SMU1: variants seen among roughly 807,000 people sequenced by gnomAD.
The protein encoded by SMU1 is WD40 repeat-containing protein SMU1.
A neutral mutation model predicts 62.0 loss-of-function variants in SMU1; 2 were observed. That is an observed-to-expected ratio of 0.03 (90% CI 0.01 to 0.10). The LOEUF is 0.10. Ranked by LOEUF, SMU1 falls within the 10% of genes least tolerant of loss-of-function variation. SMU1 has a pLI of 1.00. For missense variants in SMU1, 227 were observed against 622.1 expected (o/e 0.36, Z 6.76); for synonymous variants, 188 against 212.4 (o/e 0.89, Z 1.00).
chr9:33,060,710 T>A, intron 5 of SMU1, 126 bp from the exon 6 acceptor site: 1 of 1,168,674 alleles, frequency 8.6e-7, no homozygotes, highest in Non-Finnish European at 1.2e-6. Flanking sequence ...TATAGAGTAT[T>A]GGAGGGGTAT....
chr9:33,074,962 G>T (rs1839529337), intron 1 of SMU1, among the ~76,000 whole-genome samples: 1 of 152,052 alleles, frequency 6.6e-6, no homozygotes, highest in Non-Finnish European at 1.5e-5. Context: ...TTGTAGAGAC[G>T]TGGTTTTGCC....
At position 33,076,646 on chromosome 9, in the gene SMU1, C is replaced by G. The variant is rs759935844; in HGVS notation, c.-38G>C. 2 of 1,613,594 alleles carry G rather than the reference C, an allele frequency of 1.2e-6. No individual in the cohort carries two copies. The highest frequency in any genetic ancestry group is 1.7e-5 in the Admixed American group (1 of 60,024). On this transcript the variant is annotated 5_prime_UTR_variant, in exon 1 of 12. Transcript: ENST00000397149. ...CCGGGAGCAGGCCCCAGCTCTCCCT[C>G]AAGGCCAGTCGCGCAACACACCAAC...
intron 4 of SMU1, among the ~76,000 whole-genome samples, chr9:33,062,983 G>T (rs1839379703): frequency 6.6e-6 from 1 of 152,154 alleles, no homozygotes; most frequent in Admixed American, 6.5e-5. Flanking sequence ...ATGAACTTTG[G>T]AGACAGATGG....
At chr9:33,070,136 A>G (rs1318212730) in intron 3 of SMU1, among the ~76,000 whole-genome samples, 3 of 152,124 alleles carry the variant, frequency 2.0e-5, no homozygotes, top group Admixed American at 2.0e-4. Context: ...AACAACAACA[A>G]CAACAACAAA....
intron 9 of SMU1, among the ~76,000 whole-genome samples, chr9:33,054,797 C>A (rs1486983525): frequency 2.6e-5 from 4 of 152,170 alleles, no homozygotes. Flanking sequence ...ACTGTTATTG[C>A]CTGCCCTAAT....
intron 4 of SMU1, among the ~76,000 whole-genome samples, chr9:33,062,530 TC>T (rs543846944): frequency 4.8e-4 from 72 of 151,348 alleles, no homozygotes; most frequent in South Asian, 2.5e-3. Flanking sequence ...CTTCCAATCT[TC>T]CCCCCCCACA....
Position 33,061,373 on chromosome 9 carries a change from T to C in SMU1, c.630+676A>G, listed in dbSNP as rs142594587. 4.9e-3 allele frequency among the ~76,000 whole-genome samples: 740 copies of C among 152,268 alleles called. 8 individuals carry two copies. Among genetic ancestry groups the C allele is most frequent in the African/African-American group, 0.017 (716 of 41,546 alleles). ...CTTAAAAATATCTTTATCTGCAAGT[T>C]AGAATATATAATCCAGAAAAGGCAA... On this transcript the variant is annotated intron_variant, in intron 5 of 11. Transcript: ENST00000397149.
chr9:33,056,401 ACAAT>A, intron 8 of SMU1, 162 bp from the exon 9 acceptor site: 1 of 344,862 alleles, frequency 2.9e-6, no homozygotes, highest in Non-Finnish European at 4.1e-6. Context: ...ACTATATCAA[ACAAT>A]CAAACAAAAG....
rs1032168802 is a variant in SMU1, at chr9:33,056,749, G to A, written c.995+88C>T. The A allele has an allele frequency of 3.7e-5, 52 of 1,397,932 alleles. No homozygotes were observed. The Middle Eastern group carries it at 1.3e-3, about 35-fold the overall frequency. 86.6% of individuals were successfully genotyped at this position (1,397,932 alleles called of 1,614,324 possible). A position where few individuals can be genotyped will look rare whatever the true frequency, so the allele number is the denominator to read the frequency against. On this transcript the variant is annotated intron_variant, in intron 8 of 11. Coordinates refer to ENST00000397149, the MANE Select transcript of SMU1 (RefSeq NM_018225.3). ...CACATCATCATGGTAAAAGCATCAT[G>A]GTAAAAGCGTAAGGAATCACTAGTA...
chr9:33,048,982 TAC>T (rs1839214831), intron 10 of SMU1, among the ~76,000 whole-genome samples: 1 of 152,218 alleles, frequency 6.6e-6, no homozygotes, highest in South Asian at 2.1e-4. Flanking sequence ...ATCAAAGAAC[TAC>T]ACAGAGATAT....
At chr9:33,056,431 G>C (rs891290854) in intron 8 of SMU1, among the ~76,000 whole-genome samples, 192 bp from the exon 9 acceptor site, 4 of 152,170 alleles carry the variant, frequency 2.6e-5, no homozygotes, top group African/African-American at 9.7e-5. Flanking sequence ...CAAAGAAAGA[G>C]GCTGGAAGAA....
At position 33,045,311 on chromosome 9, in the gene SMU1, C is replaced by G. The variant is rs1839172438; in HGVS notation, c.*1982G>C. The stretch of plus-strand genomic sequence containing the variant: ...CCACTGGGATGACTGTCTACATGCT[C>G]AGGAATCCTGAATTCATGACTATGT... On this transcript the variant is annotated 3_prime_UTR_variant, in exon 12 of 12. Coordinates refer to ENST00000397149, the MANE Select transcript of SMU1 (RefSeq NM_018225.3). 1 of 152,192 alleles carries G rather than the reference C, an allele frequency of 6.6e-6. No homozygotes were observed. Among genetic ancestry groups the G allele is most frequent in the African/African-American group, 2.4e-5 (1 of 41,432 alleles). 9.4% of individuals were successfully genotyped at this position (152,192 alleles called of 1,614,324 possible). A position where few individuals can be genotyped will look rare whatever the true frequency, so the allele number is the denominator to read the frequency against.
At chr9:33,072,853 C>A (rs1225384414) in intron 2 of SMU1, among the ~76,000 whole-genome samples, 2 of 150,964 alleles carry the variant, frequency 1.3e-5, no homozygotes, top group African/African-American at 4.9e-5. Flanking sequence ...AAAAAAAACC[C>A]GTAAACAAAA....
At position 33,066,804 on chromosome 9, in the gene SMU1, C is replaced by CAA. The variant is rs74178848; in HGVS notation, c.501+2018_501+2019dup. On this transcript the variant is annotated intron_variant, in intron 4 of 11. Coordinates refer to ENST00000397149, the MANE Select transcript of SMU1 (RefSeq NM_018225.3). ...CTGGCGACAGAGTGAGACTCTGTCT[C>CAA]AAAAAAAAAAAGAAAACTGAGGAAT... is the stretch of plus-strand genomic sequence containing the variant. Among the ~76,000 whole-genome samples the CAA allele has an allele frequency of 4.8e-4, 66 of 136,704 alleles. 1 individual carries two copies. Among genetic ancestry groups the CAA allele is most frequent in the African/African-American group, 1.3e-3 (48 of 37,250 alleles). 89.7% of individuals were successfully genotyped at this position (136,704 alleles called of 152,430 possible). A position where few individuals can be genotyped will look rare whatever the true frequency, so the allele number is the denominator to read the frequency against.
At chr9:33,067,268 T>C (rs1048350730) in intron 4 of SMU1, among the ~76,000 whole-genome samples, 2 of 145,400 alleles carry the variant, frequency 1.4e-5, no homozygotes, top group African/African-American at 2.6e-5. Flanking sequence ...CAAATCATTT[T>C]TCGCTGAAGA....
At chr9:33,075,324 C>G (rs185112092) in intron 1 of SMU1, among the ~76,000 whole-genome samples, 1 of 151,902 alleles carries the variant, frequency 6.6e-6, no homozygotes, top group African/African-American at 2.4e-5. Flanking sequence ...TTGCAGTGAG[C>G]GGAGATCGCG....
In SMU1 at chr9:33,069,173, T is replaced by C. The variant is rs531288862; in HGVS notation, c.391-239A>G. Among the ~76,000 whole-genome samples, 16 of 152,338 alleles carry C rather than the reference T, an allele frequency of 1.1e-4. No individual in the cohort carries two copies. The South Asian group carries it at 3.3e-3, about 32-fold the overall frequency. ...GAGGTCAGCCAATCCACACTATTAT[T>C]ATTTTTTCACTGAGTTCCTGGCCAA... On this transcript the variant is annotated intron_variant, in intron 3 of 11. Transcript: ENST00000397149.
rs1839183217 is a variant in SMU1, at chr9:33,046,249, T to C, written c.*1044A>G. ...TCTCCTACAACATACAAAGGGGAGA[T>C]GCCAAAACTCTGAATTCTTGTAACG... On this transcript the variant is annotated 3_prime_UTR_variant, in exon 12 of 12. Coordinates refer to ENST00000397149, the MANE Select transcript of SMU1 (RefSeq NM_018225.3). 1 of 152,170 alleles carries C rather than the reference T, an allele frequency of 6.6e-6. No individual in the cohort carries two copies. Among genetic ancestry groups the C allele is most frequent in the Non-Finnish European group, 1.5e-5 (1 of 68,020 alleles). 9.4% of individuals were successfully genotyped at this position (152,170 alleles called of 1,614,324 possible). A position where few individuals can be genotyped will look rare whatever the true frequency, so the allele number is the denominator to read the frequency against.
intron 4 of SMU1, among the ~76,000 whole-genome samples, chr9:33,067,822 T>G (rs1839439792): frequency 6.6e-6 from 1 of 152,130 alleles, no homozygotes; most frequent in Non-Finnish European, 1.5e-5. Flanking sequence ...CTTTTGAATC[T>G]CAGAGTCACT....
Sources: gnomAD v4.1 joint callset for allele counts (sites outside exome capture counted in the v4.1 genomes callset) on GRCh38, gnomAD v4.1.1 for gene constraint, MANE v1.5 for transcripts, NCBI Gene and HGNC (gene_info 2026-07-23, HGNC 2026-07-21) for gene names.